The following ZC2HC1A variants were observed in gnomAD, a reference collection of about 807,000 sequenced individuals.
The protein encoded by ZC2HC1A is zinc finger C2HC domain-containing protein 1A.
ZC2HC1A carries 28 observed loss-of-function variants against 40.7 expected under a neutral mutation model. That is an observed-to-expected ratio of 0.69 (90% CI 0.51 to 0.94). The LOEUF (loss-of-function observed/expected upper bound fraction) is 0.94. Ranked by LOEUF, ZC2HC1A falls within the 40% of genes least tolerant of loss-of-function variation. The pLI, the probability that ZC2HC1A is intolerant of heterozygous loss-of-function variation, is 0.00. For synonymous variants in ZC2HC1A, 129 were observed against 129.2 expected (o/e 1.00, Z 0.01); for missense variants, 389 against 386.3 (o/e 1.01, Z -0.06).
rs187548793 is a variant in ZC2HC1A at position 78,718,682 on chromosome 8, T to G, written c.*1189T>G. On this transcript the variant is annotated 3_prime_UTR_variant, in exon 9 of 9. Transcript: ENST00000263849. Reference sequence around the variant, plus strand: ...ACCTAATTAAACATACACACAAATTTAATTATTTTTTTCTCTTTAACCTGA... The same window carrying G: ...ACCTAATTAAACATACACACAAATTGAATTATTTTTTTCTCTTTAACCTGA... 1.4e-4 allele frequency: 22 copies of G among 152,008 alleles called. No individual in the cohort carries two copies. Among genetic ancestry groups the G allele is most frequent in the African/African-American group, 5.3e-4 (22 of 41,570 alleles). 9.4% of individuals were successfully genotyped at this position (152,008 alleles called of 1,614,324 possible). A position where few individuals can be genotyped will look rare whatever the true frequency, so the allele number is the denominator to read the frequency against.
intron 6 of ZC2HC1A, among the ~76,000 whole-genome samples, chr8:78,698,142 C>T (rs893850752): frequency 1.2e-4 from 18 of 152,066 alleles, no homozygotes; most frequent in Admixed American, 7.9e-4. Flanking sequence ...GGCAATTGTT[C>T]GTAGTAGTCA....
In ZC2HC1A at chr8:78,684,882, A is replaced by G. The variant is rs567783703; in HGVS notation, c.211-1585A>G. On this transcript the variant is annotated intron_variant, in intron 3 of 8. Transcript: ENST00000263849. ...TGTTTTTCAAATAGAAATATATCCC[A>G]TATTCTTGTATAGGTAGACTCGACC... Among the ~76,000 whole-genome samples the G allele has an allele frequency of 2.6e-5, 4 of 152,324 alleles. No homozygotes were observed. The South Asian group carries it at 6.2e-4, about 24-fold the overall frequency.
intron 7 of ZC2HC1A, among the ~76,000 whole-genome samples, chr8:78,712,788 A>C (rs186521081): frequency 1.9e-3 from 284 of 152,286 alleles, no homozygotes; most frequent in Non-Finnish European, 2.7e-3. Context: ...TTTAAATATG[A>C]AATTAGGGCC....
chr8:78,702,378 C>T (rs1249027537), intron 7 of ZC2HC1A, among the ~76,000 whole-genome samples: 2 of 152,022 alleles, frequency 1.3e-5, no homozygotes, highest in Non-Finnish European at 2.9e-5. Context: ...TTTAGTGTAG[C>T]TAGCAGCCTA....
At chr8:78,693,302 A>G (rs1255340509) in intron 5 of ZC2HC1A, among the ~76,000 whole-genome samples, 5 of 151,208 alleles carry the variant, frequency 3.3e-5, no homozygotes, top group East Asian at 1.9e-4. Context: ...CTGAGGAATC[A>G]CCACACTGAC....
chr8:78,673,358 T>C (rs768628589), intron 1 of ZC2HC1A, among the ~76,000 whole-genome samples: 1 of 152,168 alleles, frequency 6.6e-6, no homozygotes, highest in Non-Finnish European at 1.5e-5. Context: ...CTATTGTAAA[T>C]AGTGCTGCAG....
At chr8:78,699,463 T>TG (rs1810531493) in intron 7 of ZC2HC1A, among the ~76,000 whole-genome samples, 1 of 152,176 alleles carries the variant, frequency 6.6e-6, no homozygotes, top group Non-Finnish European at 1.5e-5. Flanking sequence ...CATTATTTTC[T>TG]TTTTTTAATT....
intron 1 of ZC2HC1A, among the ~76,000 whole-genome samples, chr8:78,668,185 A>T (rs1809354516): frequency 6.6e-6 from 1 of 152,028 alleles, no homozygotes; most frequent in African/African-American, 2.4e-5. Flanking sequence ...CCCCTAAGAG[A>T]TCACACCTTG....
intron 5 of ZC2HC1A, 77 bp from the exon 6 acceptor site, chr8:78,697,330 G>C: frequency 8.5e-7 from 1 of 1,180,672 alleles, no homozygotes; most frequent in Admixed American, 2.7e-5. Context: ...CCCAAAGAAT[G>C]TTAAGTTTTG....
At chr8:78,695,383 T>G (rs1322625774) in intron 5 of ZC2HC1A, among the ~76,000 whole-genome samples, 1 of 152,208 alleles carries the variant, frequency 6.6e-6, no homozygotes, top group Non-Finnish European at 1.5e-5. Context: ...GTCTCCATTA[T>G]GTAATGCTAC....
chr8:78,717,095 ATGGC>A (rs1811129852), intron 8 of ZC2HC1A, among the ~76,000 whole-genome samples: 1 of 152,286 alleles, frequency 6.6e-6, no homozygotes, highest in South Asian at 2.1e-4. Flanking sequence ...CACAGAAAGC[ATGGC>A]TGCATTTGGT....
intron 8 of ZC2HC1A, among the ~76,000 whole-genome samples, chr8:78,716,978 A>G (rs1038855869): frequency 6.6e-6 from 1 of 152,008 alleles, no homozygotes; most frequent in African/African-American, 2.4e-5. Flanking sequence ...GGCCTCCCCA[A>G]CCAAGCTTTC....
At chr8:78,675,499 G>T (rs1290150451) in intron 1 of ZC2HC1A, among the ~76,000 whole-genome samples, 1 of 151,856 alleles carries the variant, frequency 6.6e-6, no homozygotes, top group Non-Finnish European at 1.5e-5. Flanking sequence ...AAGAGAATAT[G>T]ACAAATTGAT....
chr8:78,679,948 C>T (rs1809714295), intron 3 of ZC2HC1A, among the ~76,000 whole-genome samples: 3 of 152,074 alleles, frequency 2.0e-5, no homozygotes, highest in Admixed American at 2.0e-4. Flanking sequence ...GATAAAATTG[C>T]CAAATCTTTG....
chr8:78,671,099 A>G (rs575582438), intron 1 of ZC2HC1A, among the ~76,000 whole-genome samples: 2 of 152,320 alleles, frequency 1.3e-5, no homozygotes, highest in East Asian at 3.9e-4. Flanking sequence ...AACTGTTCTT[A>G]ATTTCCAAGA....
At chr8:78,669,626 T>C (rs909538348) in intron 1 of ZC2HC1A, among the ~76,000 whole-genome samples, 6 of 152,164 alleles carry the variant, frequency 3.9e-5, no homozygotes, top group Admixed American at 1.3e-4. Context: ...ATTTGACAAT[T>C]AGTAAATAGT....
chr8:78,714,316 T>G (rs1175894834), intron 7 of ZC2HC1A, among the ~76,000 whole-genome samples: 1 of 152,118 alleles, frequency 6.6e-6, no homozygotes, highest in Non-Finnish European at 1.5e-5. Flanking sequence ...ATAAATAAAT[T>G]TCTATGGGCA....
At chr8:78,690,628 A>G (rs1810179625) in intron 5 of ZC2HC1A, among the ~76,000 whole-genome samples, 1 of 152,138 alleles carries the variant, frequency 6.6e-6, no homozygotes, top group South Asian at 2.1e-4. Flanking sequence ...TTGACTTGTC[A>G]ACATCTACAA....
chr8:78,672,399 A>G (rs369497223), intron 1 of ZC2HC1A, among the ~76,000 whole-genome samples: 2 of 152,124 alleles, frequency 1.3e-5, no homozygotes, highest in Non-Finnish European at 2.9e-5. Context: ...TAACAATTCA[A>G]ATAATACATG....
Sources: gnomAD v4.1 joint callset for allele counts (sites outside exome capture counted in the v4.1 genomes callset) on GRCh38, gnomAD v4.1.1 for gene constraint, MANE v1.5 for transcripts, NCBI Gene and HGNC (gene_info 2026-07-23, HGNC 2026-07-21) for gene names.